The following MID1 variants were observed in gnomAD, a reference collection of about 807,000 sequenced individuals.
MID1 encodes midline 1.
A neutral mutation model predicts 40.4 loss-of-function variants in MID1; 7 were observed. The observed-to-expected ratio is 0.17, with a 90% CI of 0.10 to 0.33. The LOEUF is 0.33. MID1 is among the 10% of genes least tolerant of loss of function. The pLI, the probability that MID1 is intolerant of heterozygous loss-of-function variation, is 1.00. For synonymous variants in MID1, 229 were observed against 221.2 expected (o/e 1.04, Z -0.31); for missense variants, 367 against 558.5 (o/e 0.66, Z 3.46).
intron 1 of MID1, among the ~76,000 whole-genome samples, chrX:10,641,777 G>A (rs1860560628): frequency 9.0e-6 from 1 of 111,571 alleles, no homozygotes; most frequent in Non-Finnish European, 1.9e-5. Context: ...ATAAAATACT[G>A]GCAAACCAAA....
At chrX:10,618,482 C>A (rs1031768301) in intron 1 of MID1, among the ~76,000 whole-genome samples, 30 of 111,803 alleles carry the variant, frequency 2.7e-4, no homozygotes, top group Admixed American at 2.9e-4. Flanking sequence ...CTGTCTCTCT[C>A]CTTCATCTCC....
At chrX:10,785,000 C>T (rs2043872017) in intron 1 of MID1, among the ~76,000 whole-genome samples, 1 of 110,477 alleles carries the variant, frequency 9.1e-6, no homozygotes, top group African/African-American at 3.3e-5. Flanking sequence ...AGAGGGTATT[C>T]AATTAGGAAA....
intron 1 of MID1, among the ~76,000 whole-genome samples, chrX:10,813,535 C>T (rs2044116793): frequency 9.0e-6 from 1 of 111,562 alleles, no homozygotes; most frequent in Non-Finnish European, 1.9e-5. Flanking sequence ...ATAATTTGAA[C>T]CTGAACCCAA....
rs1404598537 is a variant in MID1, at chrX:10,805,735, G to T, written c.-187+27819C>A. Reference sequence around the variant, plus strand: ...CTCCACATCCTCTCCAGCACCTGTTGTTTCCTGACTTTTTAATGATTGCCA... The same window carrying T: ...CTCCACATCCTCTCCAGCACCTGTTTTTTCCTGACTTTTTAATGATTGCCA... On this transcript the variant is annotated intron_variant, in intron 1 of 10. Transcript: ENST00000380785. Among the ~76,000 whole-genome samples the T allele has an allele frequency of 4.3e-3, 436 of 102,321 alleles. 2 individuals are homozygous for T. The highest frequency in any genetic ancestry group is 0.015 in the African/African-American group (411 of 27,717). 88.9% of individuals were successfully genotyped at this position (102,321 alleles called of 115,157 possible). A position where few individuals can be genotyped will look rare whatever the true frequency, so the allele number is the denominator to read the frequency against.
intron 3 of MID1, among the ~76,000 whole-genome samples, chrX:10,514,305 T>G (rs2147352240): frequency 8.9e-6 from 1 of 112,512 alleles, no homozygotes; most frequent in South Asian, 3.7e-4. Flanking sequence ...AATGTCATTC[T>G]AAAAGTAATA....
intron 1 of MID1, among the ~76,000 whole-genome samples, chrX:10,711,633 A>AG (rs1160199852): frequency 8.9e-6 from 1 of 112,257 alleles, no homozygotes; most frequent in African/African-American, 3.2e-5. Flanking sequence ...TTAGAAAAAA[A>AG]GAGAAGGAGC....
At chrX:10,714,819 G>C (rs1026472389) in intron 1 of MID1, among the ~76,000 whole-genome samples, 2 of 111,452 alleles carry the variant, frequency 1.8e-5, no homozygotes, top group African/African-American at 6.5e-5. Flanking sequence ...AATATCATCA[G>C]ACAAAAGAAA....
chrX:10,514,813 A>G (rs1339236620), intron 3 of MID1, among the ~76,000 whole-genome samples: 1 of 111,458 alleles, frequency 9.0e-6, no homozygotes, highest in African/African-American at 3.3e-5. Flanking sequence ...TTGCACTATC[A>G]CATTATCATA....
In MID1 at chrX:10,567,283, C is replaced by T. The variant is rs1407207268; in HGVS notation, c.265G>A (p.Ala89Thr). 3.3e-6 allele frequency: 4 copies of T among 1,199,438 alleles called. No homozygotes were observed. Among genetic ancestry groups the T allele is most frequent in the Non-Finnish European group, 4.5e-6 (4 of 888,895 alleles). Residue 89 changes from alanine (A) to threonine (T), a missense_variant, in exon 2 of 10, where the codon GCA (alanine) becomes ACA (threonine). Physicochemically the swap from Ala to Thr is moderately conservative, Grantham distance 58 (BLOSUM62 0). Around this residue, in one of 3 missense-constraint regions of MID1, gnomAD observed 78 missense variants for 112.6 expected, o/e 0.69. Transcript: ENST00000317552. Reference sequence around the variant, plus strand: ...GGAGAGTTGGGCCCGCTCACTGATGCTTTCTGGAACCTGTCGATGATGTTC... The same window carrying T: ...GGAGAGTTGGGCCCGCTCACTGATGTTTTCTGGAACCTGTCGATGATGTTC... The part of the protein sequence containing the change: ...LQNIIDRFQK[A>T]SVSGPNSPSE...
chrX:10,545,563 C>A (rs1933649705), intron 2 of MID1, among the ~76,000 whole-genome samples: 2 of 111,884 alleles, frequency 1.8e-5, no homozygotes, highest in Non-Finnish European at 1.9e-5. Flanking sequence ...TCCCACTCTA[C>A]AATCATACTT....
At chrX:10,672,523 G>A (rs989667476) in intron 1 of MID1, among the ~76,000 whole-genome samples, 1 of 110,808 alleles carries the variant, frequency 9.0e-6, no homozygotes, top group African/African-American at 3.3e-5. Context: ...GACGAATGAA[G>A]CAGAGTCAGA....
At position 10,543,660 on chromosome X, in the gene MID1, T is replaced by C. The variant is rs1355995244; in HGVS notation, c.661-20473A>G. On this transcript the variant is annotated intron_variant, in intron 2 of 9. Transcript: ENST00000317552. Reference sequence around the variant, plus strand: ...GAGTTTGAGACCAGCCTGGCCAACATGGTGAAACGCGGTCTCTACTAAAAA... The same window carrying C: ...GAGTTTGAGACCAGCCTGGCCAACACGGTGAAACGCGGTCTCTACTAAAAA... Among the ~76,000 whole-genome samples the C allele has an allele frequency of 2.7e-5, 3 of 109,583 alleles. No individual in the cohort carries two copies. The Admixed American group carries it at 2.9e-4, about 11-fold the overall frequency.
chrX:10,516,622 G>T (rs185164928), intron 3 of MID1, among the ~76,000 whole-genome samples: 2 of 104,099 alleles, frequency 1.9e-5, no homozygotes, highest in Non-Finnish European at 3.9e-5. Context: ...GCGCGCGCAC[G>T]CGTGTGTTTT....
At position 10,782,727 on chromosome X, in the gene MID1, T is replaced by G. The variant is rs1353502108; in HGVS notation, c.-187+50827A>C. On this transcript the variant is annotated intron_variant, in intron 1 of 10. Coordinates refer to the MID1 transcript ENST00000380785. ...TAAAATTTTGTAGCTTTTAAAATAA[T>G]TTTTTATACTTTTTCTAGTAATTTA... 9.8e-5 allele frequency among the ~76,000 whole-genome samples: 11 copies of G among 112,563 alleles called. No homozygotes were observed. The East Asian group carries it at 3.1e-3, about 31-fold the overall frequency.
chrX:10,829,539 T>C (rs2044239105), intron 1 of MID1, among the ~76,000 whole-genome samples: 1 of 112,117 alleles, frequency 8.9e-6, no homozygotes, highest in South Asian at 3.7e-4. Context: ...TAACATTAAA[T>C]GAACCATTGA....
intron 4 of MID1, 47 bp downstream of exon 4, chrX:10,495,537 T>C (rs927004789): frequency 2.0e-6 from 2 of 980,451 alleles, no homozygotes; most frequent in Admixed American, 4.4e-5. Context: ...TTAGGATTTA[T>C]TTTCTCCAGG....
intron 3 of MID1, among the ~76,000 whole-genome samples, chrX:10,509,952 C>G (rs1376516929): frequency 8.9e-6 from 1 of 112,213 alleles, no homozygotes; most frequent in Non-Finnish European, 1.9e-5. Flanking sequence ...GACTTACAGA[C>G]CATCAAGATT....
chrX:10,535,490 T>C (rs149478295), intron 2 of MID1, among the ~76,000 whole-genome samples: 1,386 of 112,222 alleles, frequency 0.012, 30 homozygotes, highest in African/African-American at 0.042. Context: ...CCAGCAACTT[T>C]ATTAAAACAG....
At chrX:10,812,912 G>A (rs1259932589) in intron 1 of MID1, among the ~76,000 whole-genome samples, 1 of 111,190 alleles carries the variant, frequency 9.0e-6, no homozygotes, top group African/African-American at 3.3e-5. Context: ...TATGATTTCA[G>A]TGCAAAGGTT....
Sources: allele counts gnomAD v4.1 joint callset (sites outside exome capture counted in the v4.1 genomes callset), GRCh38; gene constraint gnomAD v4.1.1; regional missense constraint gnomAD v4.1.1; transcripts MANE v1.5; gene names NCBI Gene and HGNC (gene_info 2026-07-23, HGNC 2026-07-21).